Variants in RBFOX1 observed in about 807,000 individuals in gnomAD.
RBFOX1 encodes the protein RNA binding protein fox-1 homolog 1.
A neutral mutation model predicts 57.7 loss-of-function variants in RBFOX1; 8 were observed. The observed-to-expected ratio is 0.14, with a 90% CI of 0.08 to 0.25. The LOEUF (loss-of-function observed/expected upper bound fraction) is 0.25. Ranked by LOEUF, RBFOX1 falls within the 10% of genes least tolerant of loss-of-function variation. The probability of loss-of-function intolerance (pLI) is 1.00; values close to 1 mark genes in which losing one functional copy is unlikely to be tolerated. For missense variants in RBFOX1, 611 were observed against 548.5 expected (o/e 1.11, Z -1.14); for synonymous variants, 326 against 222.4 (o/e 1.47, Z -4.15).
At chr16:6,999,585 A>G (rs1241001746) in intron 3 of RBFOX1, among the ~76,000 whole-genome samples, 1 of 152,156 alleles carries the variant, frequency 6.6e-6, no homozygotes, top group Non-Finnish European at 1.5e-5. Context: ...CATATGCTTT[A>G]CAGCAGATTT....
At chr16:5,292,229 C>T (rs994380679) in intron 1 of RBFOX1, among the ~76,000 whole-genome samples, 40 of 152,172 alleles carry the variant, frequency 2.6e-4, no homozygotes, top group African/African-American at 8.0e-4. Context: ...TTCTGGCCTG[C>T]GGCTGCAGGA....
intron 1 of RBFOX1, among the ~76,000 whole-genome samples, chr16:6,193,608 A>G (rs2097161449): frequency 1.3e-5 from 2 of 151,570 alleles, no homozygotes; most frequent in African/African-American, 4.8e-5. Context: ...TAAACACAAT[A>G]AAACAGGCAA....
chr16:7,244,401 T>C (rs1194542350), intron 4 of RBFOX1, among the ~76,000 whole-genome samples: 1 of 152,190 alleles, frequency 6.6e-6, no homozygotes, highest in Non-Finnish European at 1.5e-5. Flanking sequence ...TCCTTTTTCC[T>C]GAGCCAGCCA....
intron 2 of RBFOX1, among the ~76,000 whole-genome samples, chr16:6,321,958 A>G (rs2081855624): frequency 6.6e-6 from 1 of 152,182 alleles, no homozygotes; most frequent in South Asian, 2.1e-4. Flanking sequence ...TCTGTCACTT[A>G]AGGCTCCCAA....
intron 9 of RBFOX1, among the ~76,000 whole-genome samples, chr16:7,599,912 C>G (rs2094922284): frequency 1.3e-5 from 2 of 152,074 alleles, no homozygotes; most frequent in South Asian, 4.2e-4. Flanking sequence ...GCTAAGATTA[C>G]AGGCATGAGC....
At chr16:6,873,182 G>C (rs1258810725) in intron 3 of RBFOX1, among the ~76,000 whole-genome samples, 1 of 150,734 alleles carries the variant, frequency 6.6e-6, no homozygotes, top group East Asian at 1.9e-4. Flanking sequence ...GCGTGAAGAA[G>C]GAATAAACGA....
At chr16:6,313,919 G>T (rs2080729224) in intron 1 of RBFOX1, among the ~76,000 whole-genome samples, 1 of 152,012 alleles carries the variant, frequency 6.6e-6, no homozygotes, top group Non-Finnish European at 1.5e-5. Flanking sequence ...GATCATTTCT[G>T]TTCTCGCTTT....
intron 3 of RBFOX1, among the ~76,000 whole-genome samples, chr16:5,665,156 G>A (rs1472811273): frequency 7.1e-6 from 1 of 140,196 alleles, no homozygotes; most frequent in Admixed American, 7.4e-5. Context: ...TTGCTATATT[G>A]CCCAGGCTGG....
intron 1 of RBFOX1, among the ~76,000 whole-genome samples, chr16:6,036,026 T>G (rs551643217): frequency 6.6e-6 from 1 of 152,334 alleles, no homozygotes; most frequent in African/African-American, 2.4e-5. Context: ...TATGTATTAT[T>G]GTTTTTCTGT....
At chr16:5,567,114 T>C (rs1188541997) in intron 2 of RBFOX1, among the ~76,000 whole-genome samples, 1 of 152,172 alleles carries the variant, frequency 6.6e-6, no homozygotes, top group African/African-American at 2.4e-5. Context: ...GAATTGGAGA[T>C]GTTGAAACAG....
intron 3 of RBFOX1, among the ~76,000 whole-genome samples, chr16:5,751,893 A>T (rs1567491905): frequency 6.6e-6 from 1 of 152,174 alleles, no homozygotes. Context: ...AAAAACAGAA[A>T]TACCATTTGA....
chr16:5,558,926 G>C (rs2045782489), intron 2 of RBFOX1, among the ~76,000 whole-genome samples: 1 of 152,118 alleles, frequency 6.6e-6, no homozygotes, highest in Admixed American at 6.5e-5. Flanking sequence ...CTTAGATATG[G>C]AATCCACAAG....
intron 4 of RBFOX1, among the ~76,000 whole-genome samples, chr16:7,488,099 G>A (rs1231721917): frequency 1.3e-5 from 2 of 152,136 alleles, no homozygotes; most frequent in East Asian, 1.9e-4. Flanking sequence ...GAAAAGACCT[G>A]AGCAGGCTGG....
chr16:7,029,210 G>GTA (rs1258980289), intron 3 of RBFOX1, among the ~76,000 whole-genome samples: 11 of 52,264 alleles, frequency 2.1e-4, no homozygotes, highest in South Asian at 9.0e-4. Context: ...ATACGTATAC[G>GTA]TATATATATA....
At chr16:7,156,606 CAT>C (rs1170823854) in intron 4 of RBFOX1, among the ~76,000 whole-genome samples, 5 of 151,974 alleles carry the variant, frequency 3.3e-5, no homozygotes, top group Admixed American at 2.0e-4. Context: ...TATATGTGTA[CAT>C]ATATATGTAT....
chr16:5,792,283 T>C (rs1351866930), intron 3 of RBFOX1, among the ~76,000 whole-genome samples: 1 of 152,188 alleles, frequency 6.6e-6, no homozygotes, highest in African/African-American at 2.4e-5. Flanking sequence ...AATCCCTTTC[T>C]AAGTTCTCTT....
At chr16:7,002,409 A>C (rs900063610) in intron 3 of RBFOX1, among the ~76,000 whole-genome samples, 1 of 152,238 alleles carries the variant, frequency 6.6e-6, no homozygotes, top group Non-Finnish European at 1.5e-5. Flanking sequence ...AAAGAGATTT[A>C]AAAAAGATCT....
At chr16:7,444,920 G>C (rs1187613286) in intron 4 of RBFOX1, among the ~76,000 whole-genome samples, 1 of 152,108 alleles carries the variant, frequency 6.6e-6, no homozygotes, top group African/African-American at 2.4e-5. Context: ...AGCTTACCAT[G>C]AATTCTAAGT....
intron 3 of RBFOX1, among the ~76,000 whole-genome samples, chr16:7,037,433 AT>A (rs1194555107): frequency 1.3e-5 from 2 of 151,778 alleles, no homozygotes; most frequent in African/African-American, 4.8e-5. Flanking sequence ...CCCAGCCCCT[AT>A]TCAAGATGGA....
Sources: gnomAD v4.1 joint callset for allele counts (sites outside exome capture counted in the v4.1 genomes callset) on GRCh38, gnomAD v4.1.1 for gene constraint, MANE v1.5 for transcripts, NCBI Gene and HGNC (gene_info 2026-07-23, HGNC 2026-07-21) for gene names.